The following ASNS variants were observed in gnomAD, a reference collection of about 807,000 sequenced individuals.
ASNS encodes asparagine synthetase (glutamine-hydrolyzing).
Under a neutral mutation model 62.6 loss-of-function variants are expected in ASNS, and 37 were observed. The ratio of observed to expected loss-of-function variants is 0.59; its 90% CI spans 0.45 to 0.78. ASNS has a LOEUF of 0.78. Among genes scored for constraint, ASNS ranks in the 30% least tolerant of loss-of-function variants. The pLI, the probability that ASNS is intolerant of heterozygous loss-of-function variation, is 0.00. For synonymous variants in ASNS, 207 were observed against 237.9 expected, an observed-to-expected ratio of 0.87 and a Z score of 1.19; for missense variants, 520 against 682.4, an observed-to-expected ratio of 0.76 and a Z score of 2.65.
chr7:97,914,488 T>A, the ASNS span, among the ~76,000 whole-genome samples: 1 of 151,874 alleles, frequency 6.6e-6, no homozygotes, highest in African/African-American at 2.4e-5. Flanking sequence ...GGGCAACCAA[T>A]AATCAATAAC....
the ASNS span, among the ~76,000 whole-genome samples, chr7:97,922,861 G>A: frequency 0.077 from 11,702 of 151,774 alleles, 910 homozygotes; most frequent in African/African-American, 0.2. Context: ...GTGTGATCTC[G>A]GCTGACTGCA....
chr7:97,860,561 T>A (rs1382469493), intron 4 of ASNS, among the ~76,000 whole-genome samples: 1 of 152,196 alleles, frequency 6.6e-6, no homozygotes, highest in East Asian at 1.9e-4. Flanking sequence ...CCAGTATTAG[T>A]ACAAACACTG....
At chr7:97,919,966 T>C in the ASNS span, among the ~76,000 whole-genome samples, 1 of 152,022 alleles carries the variant, frequency 6.6e-6, no homozygotes, top group African/African-American at 2.4e-5. Flanking sequence ...AGGTCCTGGC[T>C]ACTGCCCCAC....
chr7:97,868,786 T>C, intron 3 of ASNS, 122 bp downstream of exon 3: 2 of 1,386,678 alleles, frequency 1.4e-6, no homozygotes, highest in African/African-American at 2.9e-5. Context: ...TTAGAGCAAA[T>C]GAGATAACGA....
At chr7:97,863,962 C>T (rs1791840949) in intron 4 of ASNS, 1 of 281,068 alleles carries the variant, frequency 3.6e-6, no homozygotes. Context: ...GTCAACCCTA[C>T]GATTATAGTA....
the ASNS span, among the ~76,000 whole-genome samples, chr7:97,912,591 T>TTA: frequency 1.3e-5 from 1 of 79,380 alleles, no homozygotes; most frequent in Non-Finnish European, 2.4e-5. Context: ...TTTTTTTTTT[T>TTA]TTCTGTTTTC....
At chr7:97,884,669 A>G in the ASNS span, among the ~76,000 whole-genome samples, 2 of 152,030 alleles carry the variant, frequency 1.3e-5, no homozygotes, top group Non-Finnish European at 2.9e-5. Context: ...CCCACCCCCT[A>G]GGCCTCTCCT....
chr7:97,868,518 C>CTGTGTGT (rs543590888), intron 3 of ASNS, among the ~76,000 whole-genome samples: 1 of 62,060 alleles, frequency 1.6e-5, no homozygotes, highest in Admixed American at 2.0e-4. Context: ...TCAGCAAAAA[C>CTGTGTGT]ATGTGTGTGT....
chr7:97,856,080 T>C (rs1791425758), intron 8 of ASNS, among the ~76,000 whole-genome samples: 2 of 152,222 alleles, frequency 1.3e-5, no homozygotes, highest in Non-Finnish European at 2.9e-5. Context: ...CCTGTCTATC[T>C]GCTTATTTAC....
Position 97,869,821 on chromosome 7 carries a change from GA to G in ASNS, c.-59-9del, listed in dbSNP as rs3832527. 0.5 allele frequency: 74,165 copies of G among 149,366 alleles called. 18,226 individuals are homozygous for G. Among genetic ancestry groups the G allele is most frequent in the East Asian group, 0.55 (2,815 of 5,096 alleles). The allele number at this position is 149,366 out of a possible 1,614,324, so 9.3% of individuals were successfully genotyped here. On this transcript the variant is annotated splice_polypyrimidine_tract_variant and intron_variant, in intron 1 of 12. Transcript: ENST00000394308. Reference sequence around the variant, plus strand: ...GATGTGATTGAAGAAAATCTAAAGGGAAAAAAAAAACAATTTAATTTGATAT... The same window carrying G: ...GATGTGATTGAAGAAAATCTAAAGGGAAAAAAAAACAATTTAATTTGATAT...
chr7:97,882,343 T>C, the ASNS span, among the ~76,000 whole-genome samples: 2 of 151,974 alleles, frequency 1.3e-5, no homozygotes, highest in Non-Finnish European at 2.9e-5. Context: ...GGTCAGGAGA[T>C]CAAGACCATG....
chr7:97,890,371 A>G, the ASNS span, among the ~76,000 whole-genome samples: 1 of 152,186 alleles, frequency 6.6e-6, no homozygotes, highest in Non-Finnish European at 1.5e-5. Context: ...GGTCTTCTCC[A>G]AGGCACATTA....
chr7:97,918,484 G>A, the ASNS span, among the ~76,000 whole-genome samples: 1 of 152,248 alleles, frequency 6.6e-6, no homozygotes, highest in Non-Finnish European at 1.5e-5. Flanking sequence ...CCACACGTCA[G>A]AATAACTGCT....
At chr7:97,928,026 TC>T in the ASNS span, 2 of 949,808 alleles carry the variant, frequency 2.1e-6, no homozygotes, top group South Asian at 1.5e-5. Context: ...CTACCCCGCG[TC>T]CCCAGCACCC....
At chr7:97,883,050 G>A in the ASNS span, among the ~76,000 whole-genome samples, 9 of 152,294 alleles carry the variant, frequency 5.9e-5, no homozygotes, top group East Asian at 1.7e-3. Context: ...GCAGCCGCAG[G>A]CCAGAAATGG....
the ASNS span, among the ~76,000 whole-genome samples, chr7:97,927,572 G>A: frequency 1.6e-4 from 25 of 152,206 alleles, no homozygotes; most frequent in African/African-American, 5.8e-4. Flanking sequence ...GTGCATTCTG[G>A]TATCCTGGTC....
chr7:97,927,193 T>A, the ASNS span, among the ~76,000 whole-genome samples: 1 of 151,260 alleles, frequency 6.6e-6, no homozygotes, highest in Non-Finnish European at 1.5e-5. Context: ...GTGCTGGGAT[T>A]ATTGGCTTGA....
At position 97,859,487 on chromosome 7, in the gene ASNS, T is replaced by C. The variant is rs1456435101; in HGVS notation, c.488-89A>G. On this transcript the variant is annotated intron_variant, in intron 4 of 12. Coordinates refer to ENST00000394308, the MANE Select transcript of ASNS (RefSeq NM_001673.5). ...AGTTAACATCATCTACATTCCTATT[T>C]TCCCTTTTTAATACAAACACATACC... 4 of 1,394,498 alleles carry C rather than the reference T, an allele frequency of 2.9e-6. No homozygotes were observed. In the African/African-American group the frequency reaches 4.3e-5, roughly 15 times the overall value. The allele number at this position is 1,394,498 out of a possible 1,614,324, so 86.4% of individuals were successfully genotyped here. A position where few individuals can be genotyped will look rare whatever the true frequency, so the allele number is the denominator to read the frequency against.
chr7:97,900,635 T>A, the ASNS span, among the ~76,000 whole-genome samples: 5 of 152,326 alleles, frequency 3.3e-5, no homozygotes, highest in Admixed American at 1.3e-4. Flanking sequence ...AATGCTGCCA[T>A]GAGGGCACAT....
Sources: allele counts gnomAD v4.1 joint callset (sites outside exome capture counted in the v4.1 genomes callset), GRCh38; gene constraint gnomAD v4.1.1; transcripts MANE v1.5; gene names NCBI Gene and HGNC (gene_info 2026-07-23, HGNC 2026-07-21).